The following ARHGAP24 variants were observed in gnomAD, a reference collection of about 807,000 sequenced individuals.
ARHGAP24 encodes the protein rho GTPase-activating protein 24.
In ARHGAP24, 50 loss-of-function variants were observed where a neutral mutation model predicts 76.4. The observed-to-expected ratio is 0.65, with a 90% CI of 0.52 to 0.83. The LOEUF is 0.83. Among genes scored for constraint, ARHGAP24 ranks in the 40% least tolerant of loss-of-function variants. The pLI, the probability that ARHGAP24 is intolerant of heterozygous loss-of-function variation, is 0.00. For missense variants in ARHGAP24, 930 were observed against 914.2 expected, an observed-to-expected ratio of 1.02 and a Z score of -0.22; for synonymous variants, 345 against 323.3, an observed-to-expected ratio of 1.07 and a Z score of -0.72.
chr4:85,676,473 G>T (rs957658971), intron 2 of ARHGAP24, among the ~76,000 whole-genome samples: 1 of 152,154 alleles, frequency 6.6e-6, no homozygotes, highest in Non-Finnish European at 1.5e-5. Flanking sequence ...CTGCAGCTCA[G>T]TTGGGGCTTG....
At chr4:85,900,554 A>G (rs184526525) in intron 3 of ARHGAP24, among the ~76,000 whole-genome samples, 7 of 151,892 alleles carry the variant, frequency 4.6e-5, no homozygotes, top group African/African-American at 1.7e-4. Flanking sequence ...CCTCCTGAGT[A>G]GCTGGGATTA....
Position 85,548,094 on chromosome 4 carries a change from A to T in ARHGAP24, c.-20-22428A>T, listed in dbSNP as rs374842437. ...CTATTATTATTTATTCAGATGCTCA[A>T]ATTTTCCCAGATTTATCCATTGAAA... On this transcript the variant is annotated intron_variant, in intron 1 of 9. Coordinates refer to ENST00000395184, the MANE Select transcript of ARHGAP24 (RefSeq NM_001025616.3). Among the ~76,000 whole-genome samples the T allele has an allele frequency of 2.4e-4, 37 of 152,212 alleles. 1 individual carries two copies. The South Asian group carries it at 7.5e-3, about 31-fold the overall frequency.
At chr4:85,669,151 G>A (rs1446920031) in intron 2 of ARHGAP24, among the ~76,000 whole-genome samples, 1 of 152,060 alleles carries the variant, frequency 6.6e-6, no homozygotes, top group Non-Finnish European at 1.5e-5. Flanking sequence ...AAAACTCAGG[G>A]GTGCTGAGCT....
chr4:85,839,898 G>A (rs770037700), intron 3 of ARHGAP24, among the ~76,000 whole-genome samples: 1 of 124,312 alleles, frequency 8.0e-6, no homozygotes, highest in Non-Finnish European at 1.6e-5. Flanking sequence ...CACCCAGGCT[G>A]GAGTGCAGTG....
At chr4:85,850,156 T>C (rs1024587997) in intron 3 of ARHGAP24, among the ~76,000 whole-genome samples, 4 of 152,216 alleles carry the variant, frequency 2.6e-5, no homozygotes, top group African/African-American at 9.6e-5. Flanking sequence ...GGGATTCAAC[T>C]TCTTCCTGGT....
intron 2 of ARHGAP24, among the ~76,000 whole-genome samples, chr4:85,649,028 T>C (rs929666556): frequency 2.0e-5 from 3 of 151,822 alleles, no homozygotes; most frequent in Non-Finnish European, 4.4e-5. Context: ...TGTGTGTGTG[T>C]GTGTGTGTTT....
At chr4:85,813,844 T>TATATATATA (rs1729120860) in intron 3 of ARHGAP24, among the ~76,000 whole-genome samples, 1 of 119,010 alleles carries the variant, frequency 8.4e-6, no homozygotes, top group African/African-American at 3.1e-5. Flanking sequence ...ATATATATAT[T>TATATATATA]TGTAGTTAGA....
At chr4:85,985,597 A>G (rs1739936315) in intron 8 of ARHGAP24, among the ~76,000 whole-genome samples, 1 of 152,196 alleles carries the variant, frequency 6.6e-6, no homozygotes, top group Non-Finnish European at 1.5e-5. Flanking sequence ...TTACCTGTGT[A>G]ACAAACGTGC....
chr4:85,593,061 C>T (rs888928275), intron 2 of ARHGAP24, among the ~76,000 whole-genome samples: 6 of 152,168 alleles, frequency 3.9e-5, no homozygotes, highest in African/African-American at 1.4e-4. Context: ...TACTAATTTA[C>T]ATTCCCACCA....
At chr4:85,619,705 T>A (rs2110002242) in intron 2 of ARHGAP24, among the ~76,000 whole-genome samples, 1 of 152,120 alleles carries the variant, frequency 6.6e-6, no homozygotes. Context: ...AAGAATTTTT[T>A]ATGCAATCGT....
intron 4 of ARHGAP24, among the ~76,000 whole-genome samples, chr4:85,934,079 T>A (rs752246848): frequency 5.3e-5 from 8 of 152,206 alleles, no homozygotes; most frequent in Non-Finnish European, 1.2e-4. Context: ...CTCACCTCTG[T>A]GCACCCCCAG....
chr4:85,795,444 T>G (rs1225013382), intron 3 of ARHGAP24, among the ~76,000 whole-genome samples: 1 of 152,234 alleles, frequency 6.6e-6, no homozygotes, highest in East Asian at 1.9e-4. Flanking sequence ...ATATTATTGA[T>G]CTGACTTTAG....
At chr4:85,915,179 C>G (rs1008398612) in intron 3 of ARHGAP24, among the ~76,000 whole-genome samples, 3 of 152,128 alleles carry the variant, frequency 2.0e-5, no homozygotes, top group Non-Finnish European at 4.4e-5. Context: ...ATCTGGGAAA[C>G]AAGTATTCAA....
At chr4:85,822,621 C>G (rs1414329506) in intron 3 of ARHGAP24, among the ~76,000 whole-genome samples, 1 of 152,158 alleles carries the variant, frequency 6.6e-6, no homozygotes, top group Non-Finnish European at 1.5e-5. Context: ...TCATGCAACA[C>G]AATATTTTAG....
At chr4:85,920,348 C>A (rs547255973) in intron 3 of ARHGAP24, among the ~76,000 whole-genome samples, 84 of 152,162 alleles carry the variant, frequency 5.5e-4, no homozygotes, top group African/African-American at 2.0e-3. Context: ...AAGTTTCAGA[C>A]TCCTCCCTTA....
chr4:85,737,210 C>A (rs1725639065), intron 3 of ARHGAP24, among the ~76,000 whole-genome samples: 1 of 152,020 alleles, frequency 6.6e-6, no homozygotes. Context: ...CATAAGTGAC[C>A]CCTCTCCCCA....
intron 5 of ARHGAP24, among the ~76,000 whole-genome samples, chr4:85,962,466 G>A (rs923595129): frequency 1.3e-5 from 2 of 151,918 alleles, no homozygotes; most frequent in South Asian, 2.1e-4. Context: ...CAAACTAGTC[G>A]TGTAATCTAT....
chr4:85,682,809 A>G (rs1357995073), intron 2 of ARHGAP24, among the ~76,000 whole-genome samples: 1 of 152,166 alleles, frequency 6.6e-6, no homozygotes, highest in Non-Finnish European at 1.5e-5. Context: ...TGTAAAGGAT[A>G]CAATGTAGAG....
At position 85,977,697 on chromosome 4, in the gene ARHGAP24, T is replaced by A. The variant is rs372131393; in HGVS notation, c.928+6T>A. On this transcript the variant is annotated splice_donor_region_variant and intron_variant, in intron 8 of 9. Coordinates refer to ENST00000395184, the MANE Select transcript of ARHGAP24 (RefSeq NM_001025616.3). ...TCCTTTGACTATCATGGAGGGTAAG[T>A]AAATGATTATCTTATACCCTTATCA... is the stretch of plus-strand genomic sequence containing the variant. 6.2e-7 allele frequency: 1 copy of A among 1,613,420 alleles called. No individual in the cohort carries two copies. Among genetic ancestry groups the A allele is most frequent in the Admixed American group, 1.7e-5 (1 of 60,020 alleles).
Sources: allele counts gnomAD v4.1 joint callset (sites outside exome capture counted in the v4.1 genomes callset), GRCh38; gene constraint gnomAD v4.1.1; transcripts MANE v1.5; gene names NCBI Gene and HGNC (gene_info 2026-07-23, HGNC 2026-07-21).